ERBB4: variants seen among roughly 807,000 people sequenced by gnomAD.
The protein encoded by ERBB4 is erb-b2 receptor tyrosine kinase 4, also known as receptor tyrosine-protein kinase erbB-4.
In ERBB4, 42 loss-of-function variants were observed where a neutral mutation model predicts 158.0. The observed-to-expected ratio is 0.27, with a 90% CI of 0.21 to 0.34. The LOEUF is 0.34. Ranked by LOEUF, ERBB4 falls within the 10% of genes least tolerant of loss-of-function variation. ERBB4 has a pLI of 1.00. For synonymous variants in ERBB4, 583 were observed against 558.7 expected (o/e 1.04, Z -0.61); for missense variants, 1,333 against 1,624.1 (o/e 0.82, Z 3.08).
At chr2:212,090,445 T>C (rs1317968467) in intron 2 of ERBB4, among the ~76,000 whole-genome samples, 1 of 152,068 alleles carries the variant, frequency 6.6e-6, no homozygotes, top group Non-Finnish European at 1.5e-5. Flanking sequence ...GTCTTTAATA[T>C]CCTCTAAAGC....
At chr2:212,177,297 C>T (rs1195002646) in intron 1 of ERBB4, among the ~76,000 whole-genome samples, 1 of 151,688 alleles carries the variant, frequency 6.6e-6, no homozygotes, top group Non-Finnish European at 1.5e-5. Flanking sequence ...TTTTTTCCAA[C>T]AATTTCTTAG....
At chr2:211,819,263 G>A in intron 3 of ERBB4, among the ~76,000 whole-genome samples, 1 of 151,854 alleles carries the variant, frequency 6.6e-6, no homozygotes. Context: ...AAGATCTAGA[G>A]ATATAAAAAA....
intron 3 of ERBB4, among the ~76,000 whole-genome samples, chr2:211,862,532 C>T (rs1262208470): frequency 6.6e-6 from 1 of 152,022 alleles, no homozygotes; most frequent in Non-Finnish European, 1.5e-5. Context: ...GGAGACAACA[C>T]TGCATAATTG....
At chr2:212,048,539 T>A (rs2077315873) in intron 2 of ERBB4, among the ~76,000 whole-genome samples, 1 of 152,094 alleles carries the variant, frequency 6.6e-6, no homozygotes, top group South Asian at 2.1e-4. Context: ...TCGAAGGTAA[T>A]CCCTAGATAT....
intron 1 of ERBB4, among the ~76,000 whole-genome samples, chr2:212,362,816 T>TAA (rs1175920592): frequency 6.6e-6 from 1 of 151,110 alleles, no homozygotes; most frequent in African/African-American, 2.4e-5. Flanking sequence ...ACTTCTTTCA[T>TAA]AAAAAAATAT....
chr2:212,267,340 C>T (rs1038363542), intron 1 of ERBB4, among the ~76,000 whole-genome samples: 1 of 151,852 alleles, frequency 6.6e-6, no homozygotes, highest in African/African-American at 2.4e-5. Context: ...TTACTGCATA[C>T]TGATACATAG....
chr2:212,378,705 T>G (rs2090407729), intron 1 of ERBB4, among the ~76,000 whole-genome samples: 1 of 151,890 alleles, frequency 6.6e-6, no homozygotes, highest in Non-Finnish European at 1.5e-5. Context: ...CTCTGAAGTT[T>G]GGTCACTATT....
In ERBB4 at chr2:211,431,690, TAAG is replaced by T. The variant is rs569069016; in HGVS notation, c.2488-593_2488-591del. ...AGCAGTCTTACAAACCTGTAATTTT[TAAG>T]AAGACTTCTATGGTATCAGTAGTCA... On this transcript the variant is annotated intron_variant, in intron 20 of 27. Transcript: ENST00000342788. Among the ~76,000 whole-genome samples the T allele has an allele frequency of 8.5e-5, 13 of 152,298 alleles. No individual in the cohort carries two copies. In the South Asian group the frequency reaches 2.7e-3, roughly 32 times the overall value.
rs114260853 is a variant in ERBB4, at chr2:211,793,355, G to A, written c.422-5196C>T. On this transcript the variant is annotated intron_variant, in intron 3 of 27. Transcript: ENST00000342788. ...TATCTAAGTATTTTGTTTTGCAGGGGTGCATCTACAGGTCAACCTTAGAAT... is the reference window on the plus strand; with the variant it reads ...TATCTAAGTATTTTGTTTTGCAGGGATGCATCTACAGGTCAACCTTAGAAT... Among the ~76,000 whole-genome samples the A allele has an allele frequency of 2.7e-3, 406 of 151,844 alleles. 2 individuals carry two copies. Among genetic ancestry groups the A allele is most frequent in the African/African-American group, 9.6e-3 (399 of 41,478 alleles).
intron 9 of ERBB4, among the ~76,000 whole-genome samples, chr2:211,710,036 C>T (rs2073632877): frequency 6.6e-6 from 1 of 152,012 alleles, no homozygotes; most frequent in Non-Finnish European, 1.5e-5. Flanking sequence ...TTGTACCTTA[C>T]TTTTTCGTAT....
rs139183453 is a variant in ERBB4 at position 211,508,693 on chromosome 2, A to C, written c.2487+53210T>G. 5.8e-3 allele frequency among the ~76,000 whole-genome samples: 880 copies of C among 152,286 alleles called. 13 individuals carry two copies. Among genetic ancestry groups the C allele is most frequent in the African/African-American group, 0.02 (836 of 41,572 alleles). On this transcript the variant is annotated intron_variant, in intron 20 of 27. Coordinates refer to ENST00000342788, the MANE Select transcript of ERBB4 (RefSeq NM_005235.3). ...CATGCACACATATGTGTATTCTACTATAAGGTCACATGCATACATATGTGT... is the reference window on the plus strand; with the variant it reads ...CATGCACACATATGTGTATTCTACTCTAAGGTCACATGCATACATATGTGT...
chr2:212,179,200 GT>G (rs2125687140), intron 1 of ERBB4, among the ~76,000 whole-genome samples: 1 of 151,728 alleles, frequency 6.6e-6, no homozygotes, highest in Admixed American at 6.6e-5. Flanking sequence ...CAAAAAGCCT[GT>G]TTTGACATTG....
At chr2:211,684,374 C>T (rs1419456795) in intron 12 of ERBB4, among the ~76,000 whole-genome samples, 1 of 152,070 alleles carries the variant, frequency 6.6e-6, no homozygotes, top group African/African-American at 2.4e-5. Flanking sequence ...TCGCTTGAAA[C>T]CGGGAGGTGG....
At chr2:211,776,781 G>A (rs2075886821) in intron 4 of ERBB4, among the ~76,000 whole-genome samples, 1 of 152,122 alleles carries the variant, frequency 6.6e-6, no homozygotes, top group Admixed American at 6.6e-5. Context: ...GTTGATTTAG[G>A]GGTATGTTAT....
intron 20 of ERBB4, among the ~76,000 whole-genome samples, chr2:211,517,623 C>G (rs890315940): frequency 6.6e-6 from 1 of 152,108 alleles, no homozygotes; most frequent in Non-Finnish European, 1.5e-5. Flanking sequence ...ATGAAGAGAG[C>G]TCTGTCTCTG....
intron 16 of ERBB4, among the ~76,000 whole-genome samples, chr2:211,641,790 C>G (rs1406816518): frequency 2.6e-5 from 4 of 152,112 alleles, no homozygotes; most frequent in Middle Eastern, 3.4e-3. Context: ...ATCGTGGTTT[C>G]AAGAATATTT....
At chr2:211,468,658 T>C (rs1378457218) in intron 20 of ERBB4, among the ~76,000 whole-genome samples, 2 of 152,100 alleles carry the variant, frequency 1.3e-5, no homozygotes, top group East Asian at 3.9e-4. Context: ...ATGAGGCTAA[T>C]GAAAGAAAGC....
Position 212,326,636 on chromosome 2 carries a change from C to G in ERBB4, c.83-201733G>C, listed in dbSNP as rs769538672. On this transcript the variant is annotated intron_variant, in intron 1 of 27. Transcript: ENST00000342788. ...AAATGCTATTTTATATAAACATAGACGCCCTCAGTCCCTAATGCATAACCC... is the reference window on the plus strand; with the variant it reads ...AAATGCTATTTTATATAAACATAGAGGCCCTCAGTCCCTAATGCATAACCC... Among the ~76,000 whole-genome samples, 44 of 150,700 alleles carry G rather than the reference C, an allele frequency of 2.9e-4. 3 individuals carry two copies. The highest frequency in any genetic ancestry group is 3.4e-3 in the Middle Eastern group (1 of 292).
At chr2:212,459,938 C>A (rs952045105) in intron 1 of ERBB4, among the ~76,000 whole-genome samples, 8 of 152,256 alleles carry the variant, frequency 5.3e-5, no homozygotes, top group Admixed American at 5.2e-4. Flanking sequence ...TGTGTCCCCA[C>A]CCAAATCTCA....
Sources: allele counts gnomAD v4.1 joint callset (sites outside exome capture counted in the v4.1 genomes callset), GRCh38; gene constraint gnomAD v4.1.1; transcripts MANE v1.5; gene names NCBI Gene and HGNC (gene_info 2026-07-23, HGNC 2026-07-21).